Variants in STPG2 observed in about 807,000 individuals in gnomAD.
The protein encoded by STPG2 is sperm-tail PG-rich repeat-containing protein 2.
Under a neutral mutation model 54.2 loss-of-function variants are expected in STPG2, and 56 were observed. The ratio of observed to expected loss-of-function variants is 1.03; its 90% CI spans 0.83 to 1.29. STPG2 has a LOEUF of 1.29. Ranked by LOEUF, STPG2 falls within the 50% of genes most tolerant of loss-of-function variation. The probability of loss-of-function intolerance (pLI) is 0.00; values close to 1 mark genes in which losing one functional copy is unlikely to be tolerated. For missense variants in STPG2, 596 were observed against 544.9 expected, an observed-to-expected ratio of 1.09 and a Z score of -0.93; for synonymous variants, 200 against 181.8, an observed-to-expected ratio of 1.10 and a Z score of -0.81.
intron 9 of STPG2, among the ~76,000 whole-genome samples, chr4:97,754,783 A>G (rs1725680992): frequency 6.6e-6 from 1 of 152,136 alleles, no homozygotes; most frequent in South Asian, 2.1e-4. Context: ...GGAGATTTCT[A>G]CAGACCTCCA....
At chr4:98,074,074 G>A (rs1738084922) in intron 5 of STPG2, among the ~76,000 whole-genome samples, 1 of 152,082 alleles carries the variant, frequency 6.6e-6, no homozygotes, top group Admixed American at 6.6e-5. Context: ...AGTTCCCGCT[G>A]AAAACAACTG....
intron 8 of STPG2, among the ~76,000 whole-genome samples, chr4:97,919,140 T>A (rs1469513256): frequency 6.6e-6 from 1 of 152,048 alleles, no homozygotes; most frequent in Non-Finnish European, 1.5e-5. Context: ...TTAAAAAACA[T>A]CTTACACTAA....
intron 9 of STPG2, among the ~76,000 whole-genome samples, chr4:97,823,720 C>A (rs533296063): frequency 1.3e-5 from 2 of 152,182 alleles, no homozygotes; most frequent in East Asian, 3.9e-4. Flanking sequence ...GACACCCGAC[C>A]CAAAGGAAAA....
chr4:97,659,207 G>A (rs1722303048), intron 10 of STPG2, among the ~76,000 whole-genome samples: 2 of 152,168 alleles, frequency 1.3e-5, no homozygotes, highest in South Asian at 4.1e-4. Context: ...TGAAACTAAA[G>A]AGGATTTGTA....
chr4:97,574,510 C>T (rs1732673795), intron 10 of STPG2, among the ~76,000 whole-genome samples: 1 of 151,934 alleles, frequency 6.6e-6, no homozygotes, highest in Non-Finnish European at 1.5e-5. Flanking sequence ...GGGAACTCAG[C>T]AAGGCTTGCT....
chr4:97,891,050 A>G (rs1730752069), intron 8 of STPG2, among the ~76,000 whole-genome samples: 1 of 152,016 alleles, frequency 6.6e-6, no homozygotes, highest in East Asian at 1.9e-4. Flanking sequence ...AGTGCTAGAA[A>G]TAATTGTCTC....
intron 5 of STPG2, among the ~76,000 whole-genome samples, chr4:98,027,927 T>C (rs1736476993): frequency 6.6e-6 from 1 of 152,210 alleles, no homozygotes; most frequent in Non-Finnish European, 1.5e-5. Context: ...AGTGCTGCTA[T>C]TGATATAAAA....
At chr4:97,613,132 C>G (rs1308498973) in intron 10 of STPG2, among the ~76,000 whole-genome samples, 1 of 151,988 alleles carries the variant, frequency 6.6e-6, no homozygotes, top group Non-Finnish European at 1.5e-5. Context: ...CCAGAATTTT[C>G]TTTTTCAACA....
chr4:97,862,451 C>A (rs1024799812), intron 8 of STPG2, among the ~76,000 whole-genome samples: 7 of 151,952 alleles, frequency 4.6e-5, no homozygotes, highest in African/African-American at 1.7e-4. Context: ...TAAAGCAAGT[C>A]CTTAGAGACC....
At chr4:97,809,117 C>T (rs1021801478) in intron 9 of STPG2, among the ~76,000 whole-genome samples, 1 of 151,960 alleles carries the variant, frequency 6.6e-6, no homozygotes, top group African/African-American at 2.4e-5. Context: ...AAATTTAAAA[C>T]TTGTTGAGTG....
intron 6 of STPG2, among the ~76,000 whole-genome samples, chr4:97,979,277 C>G (rs1734592507): frequency 6.6e-6 from 1 of 151,878 alleles, no homozygotes; most frequent in Non-Finnish European, 1.5e-5. Flanking sequence ...TCAGCAGAAC[C>G]AAGAGCCTAA....
At chr4:98,080,601 C>T (rs1738315157) in intron 5 of STPG2, among the ~76,000 whole-genome samples, 1 of 152,126 alleles carries the variant, frequency 6.6e-6, no homozygotes, top group Admixed American at 6.5e-5. Flanking sequence ...GTGTAGCAGG[C>T]TATCAACAAG....
At chr4:97,538,028 C>A (rs1291503986) in intron 4 of STPG2, among the ~76,000 whole-genome samples, 2 of 152,144 alleles carry the variant, frequency 1.3e-5, no homozygotes, top group East Asian at 1.9e-4. Flanking sequence ...GACATCCACA[C>A]CAAAACCCCA....
At chr4:97,661,738 G>T (rs1209742848) in intron 10 of STPG2, among the ~76,000 whole-genome samples, 1 of 141,574 alleles carries the variant, frequency 7.1e-6, no homozygotes, top group Admixed American at 7.1e-5. Context: ...ATACAGAAAA[G>T]AAAAAAAAAA....
chr4:97,486,829 G>GTGTATATATA (rs1490371230), intron 4 of STPG2, among the ~76,000 whole-genome samples: 2 of 90,204 alleles, frequency 2.2e-5, no homozygotes, highest in African/African-American at 3.4e-5. Flanking sequence ...GTGTGTGTGT[G>GTGTATATATA]TATATATATA....
intron 8 of STPG2, among the ~76,000 whole-genome samples, chr4:97,873,901 T>G (rs1323883248): frequency 2.0e-5 from 3 of 151,554 alleles, no homozygotes; most frequent in African/African-American, 7.2e-5. Flanking sequence ...TTATTTTTTA[T>G]TTTTTGAAAG....
intron 9 of STPG2, among the ~76,000 whole-genome samples, chr4:97,782,918 C>A (rs1053586583): frequency 1.3e-4 from 20 of 152,250 alleles, no homozygotes; most frequent in Non-Finnish European, 1.5e-4. Flanking sequence ...ACACCTTATA[C>A]AAAAATTAAT....
intron 7 of STPG2, among the ~76,000 whole-genome samples, chr4:97,959,714 A>C (rs929836678): frequency 6.6e-6 from 1 of 151,996 alleles, no homozygotes; most frequent in Non-Finnish European, 1.5e-5. Flanking sequence ...AAACTTACCA[A>C]GAAAAAAAAA....
At chr4:97,804,445 C>CT (rs1174755753) in intron 9 of STPG2, among the ~76,000 whole-genome samples, 1 of 151,662 alleles carries the variant, frequency 6.6e-6, no homozygotes, top group Non-Finnish European at 1.5e-5. Context: ...AAAGTTGAAA[C>CT]TTTTTTTTCT....
Sources: gnomAD v4.1 joint callset for allele counts (sites outside exome capture counted in the v4.1 genomes callset) on GRCh38, gnomAD v4.1.1 for gene constraint, MANE v1.5 for transcripts, NCBI Gene and HGNC (gene_info 2026-07-23, HGNC 2026-07-21) for gene names.